The following CNTN5 variants were observed in gnomAD, a reference collection of about 807,000 sequenced individuals.
CNTN5 encodes contactin 5, also known as contactin-5.
Under a neutral mutation model 129.1 loss-of-function variants are expected in CNTN5, and 77 were observed. The observed-to-expected ratio is 0.60, with a 90% CI of 0.50 to 0.72. The LOEUF (loss-of-function observed/expected upper bound fraction) is 0.72. Among genes scored for constraint, CNTN5 ranks in the 30% least tolerant of loss-of-function variants. The pLI is 0.00. For missense variants in CNTN5, 1,478 were observed against 1,328.8 expected (o/e 1.11, Z -1.75); for synonymous variants, 509 against 465.6 (o/e 1.09, Z -1.20).
At chr11:100,231,152 G>A (rs974471372) in intron 16 of CNTN5, among the ~76,000 whole-genome samples, 1 of 152,188 alleles carries the variant, frequency 6.6e-6, no homozygotes, top group Non-Finnish European at 1.5e-5. Context: ...CTATGGGAAG[G>A]AGTTTAACTC....
chr11:99,209,109 C>T (rs10501904), intron 1 of CNTN5, among the ~76,000 whole-genome samples: 51,910 of 151,878 alleles, frequency 0.34, 9,310 homozygotes, highest in Middle Eastern at 0.5. Flanking sequence ...ATTGACGCTA[C>T]AGTGTACATT....
intron 2 of CNTN5, among the ~76,000 whole-genome samples, chr11:99,331,630 A>T (rs763393655): frequency 6.6e-6 from 1 of 152,170 alleles, no homozygotes; most frequent in Non-Finnish European, 1.5e-5. Flanking sequence ...TTTAGCAATC[A>T]TTACTTTTAC....
At chr11:99,781,518 C>A (rs1194035825) in intron 3 of CNTN5, among the ~76,000 whole-genome samples, 2 of 151,958 alleles carry the variant, frequency 1.3e-5, no homozygotes, top group Admixed American at 6.6e-5. Context: ...AGCTACTATA[C>A]CATTTATTTT....
At chr11:99,157,875 A>G (rs555889117) in intron 1 of CNTN5, among the ~76,000 whole-genome samples, 1 of 152,340 alleles carries the variant, frequency 6.6e-6, no homozygotes, top group Middle Eastern at 3.4e-3. Context: ...TAAATAATTA[A>G]GAAACTGAGT....
At chr11:99,128,414 C>T (rs1238145760) in intron 1 of CNTN5, among the ~76,000 whole-genome samples, 1 of 152,182 alleles carries the variant, frequency 6.6e-6, no homozygotes, top group East Asian at 1.9e-4. Flanking sequence ...CCAGATTCAT[C>T]CCTTCTCACT....
At chr11:100,050,992 G>A (rs996412709) in intron 9 of CNTN5, among the ~76,000 whole-genome samples, 1 of 152,066 alleles carries the variant, frequency 6.6e-6, no homozygotes, top group African/African-American at 2.4e-5. Context: ...ATAATAGTTG[G>A]AGATTTTAAC....
At chr11:100,095,729 C>T (rs1944986456) in intron 13 of CNTN5, among the ~76,000 whole-genome samples, 1 of 152,062 alleles carries the variant, frequency 6.6e-6, no homozygotes, top group Non-Finnish European at 1.5e-5. Flanking sequence ...GCAAGATCTA[C>T]ATGTAAGGCT....
At chr11:99,637,679 A>G (rs1951614163) in intron 3 of CNTN5, among the ~76,000 whole-genome samples, 1 of 152,108 alleles carries the variant, frequency 6.6e-6, no homozygotes, top group South Asian at 2.1e-4. Context: ...AATGTCAAAA[A>G]TAGAAAAGGT....
intron 6 of CNTN5, among the ~76,000 whole-genome samples, chr11:99,865,969 T>TA (rs147591009): frequency 0.011 from 1,751 of 152,296 alleles, 29 homozygotes; most frequent in African/African-American, 0.039. Flanking sequence ...TTATATTTTT[T>TA]AAAAAATTCA....
chr11:99,645,667 A>G (rs2135859821), intron 3 of CNTN5, among the ~76,000 whole-genome samples: 1 of 152,264 alleles, frequency 6.6e-6, no homozygotes, highest in Non-Finnish European at 1.5e-5. Flanking sequence ...ATGAAGCTGG[A>G]AACCATCATT....
At chr11:99,616,655 A>G (rs895187925) in intron 3 of CNTN5, among the ~76,000 whole-genome samples, 2 of 152,178 alleles carry the variant, frequency 1.3e-5, no homozygotes, top group Admixed American at 6.5e-5. Flanking sequence ...GGCAAAACCT[A>G]TGAAGAAATT....
intron 3 of CNTN5, among the ~76,000 whole-genome samples, chr11:99,623,616 C>A (rs770691662): frequency 7.2e-5 from 11 of 151,850 alleles, no homozygotes; most frequent in Non-Finnish European, 1.5e-4. Flanking sequence ...AACCCAGGGT[C>A]TCGGGTCTAA....
At chr11:99,129,501 A>G (rs544037235) in intron 1 of CNTN5, among the ~76,000 whole-genome samples, 5 of 152,340 alleles carry the variant, frequency 3.3e-5, no homozygotes, top group East Asian at 1.9e-4. Flanking sequence ...AGTACCTGAA[A>G]GAGACAGGGA....
At chr11:99,621,107 T>C (rs895308985) in intron 3 of CNTN5, among the ~76,000 whole-genome samples, 1 of 152,130 alleles carries the variant, frequency 6.6e-6, no homozygotes, top group South Asian at 2.1e-4. Context: ...AAGATACTTA[T>C]TGTAAGGGCC....
intron 2 of CNTN5, among the ~76,000 whole-genome samples, chr11:99,506,773 T>G (rs1946638931): frequency 6.6e-6 from 1 of 152,158 alleles, no homozygotes; most frequent in Non-Finnish European, 1.5e-5. Flanking sequence ...GGAATATATT[T>G]CAAGAAAGTA....
chr11:99,479,022 A>T (rs914968261), intron 2 of CNTN5, among the ~76,000 whole-genome samples: 3 of 151,986 alleles, frequency 2.0e-5, no homozygotes, highest in Non-Finnish European at 4.4e-5. Context: ...AATAAAATAG[A>T]CCCCATTCAT....
Position 99,981,345 on chromosome 11 carries a change from C to A in CNTN5, c.878-20689C>A, listed in dbSNP as rs114764323. On this transcript the variant is annotated intron_variant, in intron 8 of 24. Transcript: ENST00000524871. The stretch of plus-strand genomic sequence containing the variant: ...GGTGTAAGCCATGGAGTCCGAAGGC[C>A]AGGAGGCCTGGAGCTCTGGTGTCCA... Among the ~76,000 whole-genome samples the A allele has an allele frequency of 7.1e-3, 1,072 of 151,980 alleles. 19 individuals are homozygous for A. The highest frequency in any genetic ancestry group is 0.024 in the African/African-American group (999 of 41,496).
chr11:99,806,641 T>C (rs1479837030), intron 3 of CNTN5, among the ~76,000 whole-genome samples: 1 of 151,982 alleles, frequency 6.6e-6, no homozygotes, highest in Non-Finnish European at 1.5e-5. Flanking sequence ...ACCCTGTCTC[T>C]GCTAAAAATA....
In CNTN5 at chr11:100,261,185, C is replaced by G. The variant is rs1228418737; in HGVS notation, c.2164+5267C>G. Among the ~76,000 whole-genome samples the G allele has an allele frequency of 2.0e-5, 3 of 152,118 alleles. No individual in the cohort carries two copies. The East Asian group carries it at 5.8e-4, about 29-fold the overall frequency. ...AACAGAGAGCCAAATCATGAGTGAACTCCCATTCACAATTGCCACAAACAG... is the reference window on the plus strand; with the variant it reads ...AACAGAGAGCCAAATCATGAGTGAAGTCCCATTCACAATTGCCACAAACAG... On this transcript the variant is annotated intron_variant, in intron 17 of 24. Coordinates refer to ENST00000524871, the MANE Select transcript of CNTN5 (RefSeq NM_014361.4).
Sources: allele counts gnomAD v4.1 joint callset (sites outside exome capture counted in the v4.1 genomes callset), GRCh38; gene constraint gnomAD v4.1.1; transcripts MANE v1.5; gene names NCBI Gene and HGNC (gene_info 2026-07-23, HGNC 2026-07-21).